POLR1A: variants seen among roughly 807,000 people sequenced by gnomAD.
POLR1A encodes RNA polymerase I subunit A.
A neutral mutation model predicts 205.3 loss-of-function variants in POLR1A; 84 were observed. That is an observed-to-expected ratio of 0.41 (90% CI 0.34 to 0.49). The LOEUF (loss-of-function observed/expected upper bound fraction) is 0.49, where lower values mean the gene tolerates loss of function less well. Among genes scored for constraint, POLR1A ranks in the 20% least tolerant of loss-of-function variants. The pLI, the probability that POLR1A is intolerant of heterozygous loss-of-function variation, is 0.22. For synonymous variants in POLR1A, 799 were observed against 863.7 expected, an observed-to-expected ratio of 0.93 and a Z score of 1.31; for missense variants, 1,645 against 2,204.5, an observed-to-expected ratio of 0.75 and a Z score of 5.08.
rs776743899 is a variant in POLR1A at position 86,070,299 on chromosome 2, A to G, written c.1612-27T>C. On this transcript the variant is annotated intron_variant, in intron 12 of 33. Transcript: ENST00000263857. The surrounding 1 kb of genome is among the most constrained non-coding windows in gnomAD (Gnocchi z 4.4). ...TGGGAACAGAGTGGACAGGTGGGTG[A>G]TCAGTGCAAACGTCAGTATCACCAC... is the stretch of plus-strand genomic sequence containing the variant. The G allele has an allele frequency of 1.3e-6, 2 of 1,586,278 alleles. No homozygotes were observed. Among genetic ancestry groups the G allele is most frequent in the Non-Finnish European group, 1.7e-6 (2 of 1,164,004 alleles).
chr2:86,046,073 G>C (rs1023201172), intron 19 of POLR1A, among the ~76,000 whole-genome samples: 3 of 152,156 alleles, frequency 2.0e-5, no homozygotes, highest in Non-Finnish European at 4.4e-5. Context: ...GGAGGGTCCT[G>C]ATGGGGAAAG....
intron 18 of POLR1A, 63 bp from the exon 19 acceptor site, chr2:86,047,326 A>C: frequency 8.7e-7 from 1 of 1,144,930 alleles, no homozygotes; most frequent in South Asian, 1.3e-5. Flanking sequence ...CAGAATCAGG[A>C]TGTAAATCCA....
intron 22 of POLR1A, 124 bp from the exon 23 acceptor site, chr2:86,043,319 A>G: frequency 1.3e-6 from 1 of 740,898 alleles, no homozygotes; most frequent in Non-Finnish European, 2.3e-6. Flanking sequence ...TGGAGCCCTC[A>G]TGATGGGGCC....
intron 3 of POLR1A, among the ~76,000 whole-genome samples, chr2:86,093,522 A>G (rs769070830): frequency 6.6e-6 from 1 of 152,064 alleles, no homozygotes; most frequent in Non-Finnish European, 1.5e-5. Flanking sequence ...AATTTTGCCA[A>G]CTCCTTTAAT....
intron 14 of POLR1A, among the ~76,000 whole-genome samples, chr2:86,064,921 C>A (rs1200548006): frequency 1.3e-5 from 2 of 151,978 alleles, no homozygotes; most frequent in Non-Finnish European, 2.9e-5. Flanking sequence ...AGATTACAGG[C>A]ACTAATCCCA....
At position 86,100,012 on chromosome 2, in the gene POLR1A, G is replaced by T. The variant is rs2104437676; in HGVS notation, c.238C>A (p.His80Asn). The T allele has an allele frequency of 6.2e-7, 1 of 1,614,126 alleles. No individual in the cohort carries two copies. Among genetic ancestry groups the T allele is most frequent in the Non-Finnish European group, 8.5e-7 (1 of 1,180,024 alleles). Residue 80 changes from histidine to asparagine, a missense_variant, in exon 2 of 34, where the codon CAC (histidine) becomes AAC (asparagine). Physicochemically the swap from His to Asn is moderately conservative, Grantham distance 68 (BLOSUM62 1). Transcript: ENST00000263857. ...DFSNCSGHLG[H>N]IELPLTVYNP... ...TACACTGTGAGTGGGAGCTCAATGT[G>T]GCCCAGGTGCCCAGAACAGTTGCTG...
At chr2:86,027,741 C>T in intron 33 of POLR1A, 144 bp downstream of exon 33, 1 of 925,566 alleles carries the variant, frequency 1.1e-6, no homozygotes, top group Non-Finnish European at 1.7e-6. Flanking sequence ...GTCTGCTGTT[C>T]AGCCCCCTCC....
chr2:86,047,522 A>G (rs1406701229), intron 18 of POLR1A, among the ~76,000 whole-genome samples: 1 of 152,216 alleles, frequency 6.6e-6, no homozygotes, highest in East Asian at 1.9e-4. Flanking sequence ...TTCATTGGCC[A>G]AAGAGCAGCA....
At chr2:86,086,700 C>T (rs1412022806) in intron 6 of POLR1A, among the ~76,000 whole-genome samples, 4 of 152,162 alleles carry the variant, frequency 2.6e-5, no homozygotes, top group East Asian at 1.9e-4. Context: ...ATCATATTTG[C>T]GTGGCTGCAA....
At chr2:86,057,619 T>G (rs952144455) in intron 14 of POLR1A, among the ~76,000 whole-genome samples, 1 of 152,078 alleles carries the variant, frequency 6.6e-6, no homozygotes, top group African/African-American at 2.4e-5. Context: ...ATGTTATTCA[T>G]CCATAAAGAG....
rs960210171 is a variant in POLR1A, at chr2:86,026,379, G to A, written c.*1044C>T. 1 of 152,184 alleles carries A rather than the reference G, an allele frequency of 6.6e-6. No individual in the cohort carries two copies. Among genetic ancestry groups the A allele is most frequent in the Non-Finnish European group, 1.5e-5 (1 of 68,036 alleles). 9.4% of individuals were successfully genotyped at this position (152,184 alleles called of 1,614,324 possible). A position where few individuals can be genotyped will look rare whatever the true frequency, so the allele number is the denominator to read the frequency against. ...TTCTTTCCTAATAGCTAGTTCCAAT[G>A]ATGTTAATTACCCGCCCTGAGCTGA... On this transcript the variant is annotated 3_prime_UTR_variant, in exon 34 of 34. Transcript: ENST00000263857.
intron 3 of POLR1A, among the ~76,000 whole-genome samples, chr2:86,097,113 A>T (rs1366392658): frequency 6.6e-6 from 1 of 151,380 alleles, no homozygotes; most frequent in Non-Finnish European, 1.5e-5. Context: ...AATATATGAA[A>T]AAATGTTCAA....
chr2:86,044,108 G>C (rs370875144), intron 22 of POLR1A, 31 bp downstream of exon 22: 3 of 1,611,036 alleles, frequency 1.9e-6, no homozygotes, highest in Middle Eastern at 1.7e-4. Flanking sequence ...CCTACTGCTC[G>C]GCCCCCAGGC....
intron 1 of POLR1A, among the ~76,000 whole-genome samples, chr2:86,104,027 A>G (rs1305998802): frequency 1.3e-5 from 2 of 152,258 alleles, no homozygotes; most frequent in Non-Finnish European, 2.9e-5. Context: ...AGCTAAAATC[A>G]GCATTGGTCT....
chr2:86,033,580 A>AGCACAGAGAATAGGCACAGAGCCT, intron 28 of POLR1A, 81 bp downstream of exon 28: 2 of 1,470,698 alleles, frequency 1.4e-6, no homozygotes, highest in Non-Finnish European at 1.9e-6. Flanking sequence ...GGGCTGGAGG[A>AGCACAGAGAATAGGCACAGAGCCT]GCACAGAGAA....
chr2:86,081,532 C>T, intron 8 of POLR1A, 69 bp downstream of exon 8: 1 of 985,160 alleles, frequency 1.0e-6, no homozygotes, highest in South Asian at 1.5e-5. Context: ...TTCACCTCTC[C>T]TAGAGGTCAC....
intron 3 of POLR1A, among the ~76,000 whole-genome samples, chr2:86,091,524 C>T (rs1673607767): frequency 6.6e-6 from 1 of 152,074 alleles, no homozygotes; most frequent in Admixed American, 6.6e-5. Context: ...AAACAATATG[C>T]TGACATTGAA....
rs1428093758 is a variant in POLR1A at position 86,070,276 on chromosome 2, G to A, written c.1612-4C>T. ...CATTCTTCACATGCCGGCACACCTG[G>A]GAACAGAGTGGACAGGTGGGTGATC... On this transcript the variant is annotated splice_region_variant and splice_polypyrimidine_tract_variant and intron_variant, in intron 12 of 33. Coordinates refer to ENST00000263857, the MANE Select transcript of POLR1A (RefSeq NM_015425.6). The surrounding 1 kb of genome is among the most constrained non-coding windows in gnomAD (Gnocchi z 4.4). 2 of 1,601,456 alleles carry A rather than the reference G, an allele frequency of 1.2e-6. No homozygotes were observed. The highest frequency in any genetic ancestry group is 2.2e-5 in the East Asian group (1 of 44,704).
Position 86,021,916 on chromosome 2 carries a change from C to G in POLR1A, c.*5507G>C, listed in dbSNP as rs941950486. ...CCAGGTCCTATCAGGGGGCAGTGTG[C>G]ACATGCACATGAAGCCTGCTGGGTA... On this transcript the variant is annotated 3_prime_UTR_variant, in exon 34 of 34. Transcript: ENST00000263857. 1 of 152,146 alleles carries G rather than the reference C, an allele frequency of 6.6e-6. No homozygotes were observed. The highest frequency in any genetic ancestry group is 1.5e-5 in the Non-Finnish European group (1 of 68,032). The allele number at this position is 152,146 out of a possible 1,614,324, so 9.4% of individuals were successfully genotyped here.
Sources: gnomAD v4.1 joint callset for allele counts (sites outside exome capture counted in the v4.1 genomes callset) on GRCh38, gnomAD v4.1.1 for gene constraint, Gnocchi (gnomAD v3.1) non-coding constraint, MANE v1.5 for transcripts, NCBI Gene and HGNC (gene_info 2026-07-23, HGNC 2026-07-21) for gene names.